The following WDFY4 variants were observed in gnomAD, a reference collection of about 807,000 sequenced individuals.
WDFY4 encodes WDFY family member 4, also known as WD repeat- and FYVE domain-containing protein 4.
WDFY4 carries 169 observed loss-of-function variants against 351.9 expected under a neutral mutation model. The ratio of observed to expected loss-of-function variants is 0.48; its 90% CI spans 0.42 to 0.55. The LOEUF (loss-of-function observed/expected upper bound fraction) is 0.55. WDFY4 is among the 20% of genes least tolerant of loss of function. The probability of loss-of-function intolerance (pLI) is 0.00; values close to 1 mark genes in which losing one functional copy is unlikely to be tolerated. For missense variants in WDFY4, 3,803 were observed against 3,935.6 expected, an observed-to-expected ratio of 0.97 and a Z score of 0.90; for synonymous variants, 1,622 against 1,574.6, an observed-to-expected ratio of 1.03 and a Z score of -0.71.
chr10:48,850,622 C>G (rs2068926888), intron 39 of WDFY4, among the ~76,000 whole-genome samples: 1 of 152,202 alleles, frequency 6.6e-6, no homozygotes, highest in Admixed American at 6.5e-5. Context: ...CAAAAACTCT[C>G]AAGTCTAACT....
intron 39 of WDFY4, among the ~76,000 whole-genome samples, chr10:48,834,017 C>T (rs1482918343): frequency 6.6e-6 from 1 of 152,162 alleles, no homozygotes; most frequent in Admixed American, 6.5e-5. Context: ...TAGAAAGAGT[C>T]CAGACATAGA....
intron 25 of WDFY4, 79 bp downstream of exon 25, chr10:48,803,438 G>A: frequency 1.4e-6 from 2 of 1,388,194 alleles, no homozygotes; most frequent in Non-Finnish European, 2.0e-6. Flanking sequence ...GGTGGCCAGT[G>A]GCTCTTCCCT....
At chr10:48,812,396 G>C (rs893726414) in intron 30 of WDFY4, among the ~76,000 whole-genome samples, 3 of 151,850 alleles carry the variant, frequency 2.0e-5, no homozygotes, top group Non-Finnish European at 4.4e-5. Context: ...TTCCAAGTTG[G>C]CCAGGCTGGT....
At chr10:48,833,188 A>T (rs990066892) in intron 39 of WDFY4, among the ~76,000 whole-genome samples, 1 of 151,638 alleles carries the variant, frequency 6.6e-6, no homozygotes, top group African/African-American at 2.4e-5. Flanking sequence ...AGAGAGAGAG[A>T]GAGAGAGAGA....
At chr10:48,754,768 C>A (rs972942171) in intron 12 of WDFY4, among the ~76,000 whole-genome samples, 1 of 152,020 alleles carries the variant, frequency 6.6e-6, no homozygotes, top group Non-Finnish European at 1.5e-5. Flanking sequence ...AGTATTTGCT[C>A]AGTTGATTTG....
intron 39 of WDFY4, among the ~76,000 whole-genome samples, chr10:48,855,885 T>A (rs1042305874): frequency 1.3e-5 from 2 of 152,120 alleles, no homozygotes; most frequent in Non-Finnish European, 2.9e-5. Context: ...TTAATTATTG[T>A]TGTTAATCTC....
At chr10:48,723,144 ACCCT>A (rs995263027) in intron 4 of WDFY4, among the ~76,000 whole-genome samples, 4 of 121,242 alleles carry the variant, frequency 3.3e-5, no homozygotes, top group Middle Eastern at 4.2e-3. Context: ...CCTCCTTTCC[ACCCT>A]CCCTCCCTCC....
rs928302497 is a variant in WDFY4, at chr10:48,969,243, G to T, written c.8764G>T (p.Asp2922Tyr). 1.9e-6 allele frequency: 3 copies of T among 1,551,080 alleles called. No individual in the cohort carries two copies. In the African/African-American group the frequency reaches 4.1e-5, roughly 21 times the overall value. ...CTGCTGCTTGGGGAGCTACGGCTCC[G>T]ACAAGGTGAGGGGGCTGCAGGGAGC... ...FSCCLGSYGS[D>Y]KVLMTFENLA... Residue 2922 changes from aspartate to tyrosine, a missense_variant, in exon 56 of 62, where the codon GAC (aspartate) becomes TAC (tyrosine). Asp to Tyr is a radical substitution (Grantham distance 160). Around this residue, in one of 3 missense-constraint regions of WDFY4, gnomAD observed 3,054 missense variants for 3,148.6 expected, o/e 0.97. Coordinates refer to ENST00000325239, the MANE Select transcript of WDFY4 (RefSeq NM_001394531.1).
intron 39 of WDFY4, among the ~76,000 whole-genome samples, chr10:48,838,732 A>T (rs1462983691): frequency 6.6e-6 from 1 of 152,214 alleles, no homozygotes; most frequent in African/African-American, 2.4e-5. Context: ...AATAATTCTG[A>T]AGCAACATCC....
chr10:48,957,022 G>C, intron 51 of WDFY4, 107 bp from the exon 52 acceptor site: 1 of 1,400,544 alleles, frequency 7.1e-7, no homozygotes, highest in Non-Finnish European at 9.6e-7. Context: ...GAGTAAATGA[G>C]AGGAGCTAAT....
intron 39 of WDFY4, among the ~76,000 whole-genome samples, chr10:48,840,202 A>C (rs961236739): frequency 6.6e-6 from 1 of 152,186 alleles, no homozygotes; most frequent in Non-Finnish European, 1.5e-5. Flanking sequence ...CATTGCCCTC[A>C]GTCTTGCAGG....
At chr10:48,918,799 A>T (rs12268813) in intron 47 of WDFY4, among the ~76,000 whole-genome samples, 17,733 of 152,186 alleles carry the variant, frequency 0.12, 2,661 homozygotes, top group African/African-American at 0.35. Flanking sequence ...TGTACATTGT[A>T]GAATGTTTAG....
chr10:48,974,208 C>A (rs560695896), intron 57 of WDFY4, among the ~76,000 whole-genome samples: 1 of 151,932 alleles, frequency 6.6e-6, no homozygotes, highest in Non-Finnish European at 1.5e-5. Context: ...GTATGTTAAT[C>A]GTAACATGAA....
chr10:48,780,163 T>TC, intron 19 of WDFY4, 44 bp downstream of exon 19: 1 of 1,546,966 alleles, frequency 6.5e-7, no homozygotes. Context: ...CAACCATACC[T>TC]CCTGCTACTA....
chr10:48,828,777 G>T lies in WDFY4; in HGVS notation c.6222-1G>T. The T allele has an allele frequency of 6.5e-7, 1 of 1,532,236 alleles. No homozygotes were observed. Among genetic ancestry groups the T allele is most frequent in the Non-Finnish European group, 8.8e-7 (1 of 1,135,488 alleles). 94.9% of individuals were successfully genotyped at this position (1,532,236 alleles called of 1,614,324 possible). ...TTAGTGAAAAATCTCTTATCCACTAGTTACCCAGAAGGATTTGGATTGGAG... is the reference window on the plus strand; with the variant it reads ...TTAGTGAAAAATCTCTTATCCACTATTTACCCAGAAGGATTTGGATTGGAG... On this transcript the variant is annotated splice_acceptor_variant, in intron 36 of 61. Coordinates refer to ENST00000325239, the MANE Select transcript of WDFY4 (RefSeq NM_001394531.1). LOFTEE classifies it high-confidence loss of function.
At chr10:48,868,471 C>T (rs1490894077) in intron 40 of WDFY4, among the ~76,000 whole-genome samples, 2 of 152,300 alleles carry the variant, frequency 1.3e-5, no homozygotes, top group African/African-American at 4.8e-5. Flanking sequence ...CTACCCCACT[C>T]CAACATTGCT....
chr10:48,932,366 A>G (rs900280596), intron 47 of WDFY4: 1 of 152,216 alleles, frequency 6.6e-6, no homozygotes, highest in Non-Finnish European at 1.5e-5. Flanking sequence ...CTGATTCCCA[A>G]ATACAAAGTC....
At chr10:48,749,696 C>T (rs1160406147) in intron 12 of WDFY4, among the ~76,000 whole-genome samples, 1 of 152,094 alleles carries the variant, frequency 6.6e-6, no homozygotes, top group African/African-American at 2.4e-5. Context: ...TCACTTTTAC[C>T]CTATAGGCAA....
chr10:48,804,893 G>A (rs2067201758), intron 25 of WDFY4: 1 of 549,094 alleles, frequency 1.8e-6, no homozygotes, highest in African/African-American at 2.1e-5. Flanking sequence ...CTAGTGAAGG[G>A]CCCTGCACTC....
Sources: allele counts gnomAD v4.1 joint callset (sites outside exome capture counted in the v4.1 genomes callset), GRCh38; gene constraint gnomAD v4.1.1; regional missense constraint gnomAD v4.1.1; transcripts MANE v1.5; gene names NCBI Gene and HGNC (gene_info 2026-07-23, HGNC 2026-07-21).